The following MAST4 variants were observed in gnomAD, a reference collection of about 807,000 sequenced individuals.
MAST4 encodes the protein microtubule associated serine/threonine kinase family member 4.
MAST4 carries 89 observed loss-of-function variants against 162.7 expected under a neutral mutation model. That is an observed-to-expected ratio of 0.55 (90% CI 0.46 to 0.65). The LOEUF is 0.65. MAST4 is among the 30% of genes least tolerant of loss of function. The pLI, the probability that MAST4 is intolerant of heterozygous loss-of-function variation, is 0.00. For synonymous variants in MAST4, 1,479 were observed against 1,361.1 expected (o/e 1.09, Z -1.91); for missense variants, 3,153 against 3,374.0 (o/e 0.93, Z 1.62).
Position 66,759,835 on chromosome 5 carries a change from C to G in MAST4, c.490C>G (p.Arg164Gly), listed in dbSNP as rs774099764. The G allele has an allele frequency of 6.2e-7, 1 of 1,613,708 alleles. No individual in the cohort carries two copies. Among genetic ancestry groups the G allele is most frequent in the Non-Finnish European group, 8.5e-7 (1 of 1,179,836 alleles). ...QLSEDGRQLR[R>G]GSLGGALTGR... is the part of the protein sequence containing the mutation. Reference sequence around the variant, plus strand: ...GAGTGAGGATGGAAGACAGCTAAGGCGAGGGAGCCTGGGAGGAGCCCTGAC... The same window carrying G: ...GAGTGAGGATGGAAGACAGCTAAGGGGAGGGAGCCTGGGAGGAGCCCTGAC... Residue 164 changes from arginine to glycine, a missense_variant, in exon 2 of 29, where the codon CGA (arginine) becomes GGA (glycine). Arg to Gly is a moderately radical substitution (Grantham distance 125). Coordinates refer to ENST00000403625, the MANE Select transcript of MAST4 (RefSeq NM_001164664.2).
intron 1 of MAST4, among the ~76,000 whole-genome samples, chr5:66,758,338 C>G (rs2149608811): frequency 6.6e-6 from 1 of 151,728 alleles, no homozygotes; most frequent in Admixed American, 6.6e-5. Context: ...TAAACAGGAT[C>G]AAATTTCCTT....
chr5:66,963,736 C>T (rs758416690), intron 4 of MAST4: 2 of 779,790 alleles, frequency 2.6e-6, no homozygotes, highest in African/African-American at 3.4e-5. Context: ...AGTCCAACCC[C>T]ATCCAGCCCA....
chr5:66,711,076 A>G (rs1287665896), intron 1 of MAST4, among the ~76,000 whole-genome samples: 1 of 152,198 alleles, frequency 6.6e-6, no homozygotes, highest in East Asian at 1.9e-4. Flanking sequence ...TGAACTCTAT[A>G]TAAATGTCAT....
chr5:66,782,757 C>T (rs187325580), intron 2 of MAST4, among the ~76,000 whole-genome samples: 1 of 152,324 alleles, frequency 6.6e-6, no homozygotes, highest in East Asian at 1.9e-4. Flanking sequence ...TAGGCAAGCT[C>T]ACCTCTCATA....
At chr5:67,061,513 G>A (rs80322755) in intron 5 of MAST4, among the ~76,000 whole-genome samples, 2 of 148,456 alleles carry the variant, frequency 1.3e-5, no homozygotes, top group Non-Finnish European at 3.0e-5. Flanking sequence ...ATAACAGTGA[G>A]GGTTTTTTTT....
chr5:66,715,537 GGA>G (rs1458258913), intron 1 of MAST4, among the ~76,000 whole-genome samples: 13 of 133,498 alleles, frequency 9.7e-5, no homozygotes, highest in Non-Finnish European at 1.1e-4. Context: ...GGGGGAGGGG[GGA>G]GGTATAGCAT....
intron 10 of MAST4, among the ~76,000 whole-genome samples, chr5:67,108,264 A>C (rs1765814904): frequency 6.6e-6 from 1 of 152,198 alleles, no homozygotes; most frequent in South Asian, 2.1e-4. Context: ...GATTTTCTTT[A>C]TATTCCTGAA....
chr5:66,596,402 C>T lies in MAST4; in HGVS notation c.-254C>T, dbSNP rs977048566. 31 of 386,490 alleles carry T rather than the reference C, an allele frequency of 8.0e-5. No homozygotes were observed. The highest frequency in any genetic ancestry group is 1.1e-4 in the Non-Finnish European group (24 of 220,690). 23.9% of individuals were successfully genotyped at this position (386,490 alleles called of 1,614,324 possible). A position where few individuals can be genotyped will look rare whatever the true frequency, so the allele number is the denominator to read the frequency against. On this transcript the variant is annotated 5_prime_UTR_variant, in exon 1 of 29. Transcript: ENST00000403625. ...GGTGCAGCGCGGGAGCACAGTGGAG[C>T]GCAGATCGCGGACCCGAGCGGGCAT...
At chr5:67,106,570 C>T (rs1184483468) in intron 10 of MAST4, among the ~76,000 whole-genome samples, 1 of 152,142 alleles carries the variant, frequency 6.6e-6, no homozygotes, top group East Asian at 1.9e-4. Flanking sequence ...GGCTCAGACC[C>T]TCATCCAGCT....
intron 1 of MAST4, among the ~76,000 whole-genome samples, chr5:66,707,804 G>A (rs888347614): frequency 6.6e-6 from 1 of 152,142 alleles, no homozygotes; most frequent in Admixed American, 6.6e-5. Context: ...TTAGCTCATA[G>A]ACTGATGGAA....
intron 1 of MAST4, among the ~76,000 whole-genome samples, chr5:66,691,988 TA>T (rs1051659057): frequency 6.6e-6 from 1 of 152,132 alleles, no homozygotes. Context: ...TTTACATATG[TA>T]GGTGTAAAAA....
chr5:66,751,464 T>G (rs1048903446), intron 1 of MAST4, among the ~76,000 whole-genome samples: 15 of 152,222 alleles, frequency 9.9e-5, no homozygotes, highest in Non-Finnish European at 1.8e-4. Context: ...CTGATGGAGC[T>G]GAAAACCAAG....
At chr5:66,613,566 A>C (rs1743440255) in intron 1 of MAST4, among the ~76,000 whole-genome samples, 1 of 152,074 alleles carries the variant, frequency 6.6e-6, no homozygotes, top group Non-Finnish European at 1.5e-5. Flanking sequence ...AGAGCCCCCT[A>C]CATGGGTGAG....
chr5:66,982,603 C>T (rs1018895031), intron 4 of MAST4, among the ~76,000 whole-genome samples: 1 of 152,164 alleles, frequency 6.6e-6, no homozygotes, highest in African/African-American at 2.4e-5. Flanking sequence ...TCATGTTCCC[C>T]TTGAGAATGT....
intron 1 of MAST4, among the ~76,000 whole-genome samples, chr5:66,695,894 C>A (rs976307112): frequency 3.3e-5 from 5 of 152,142 alleles, no homozygotes; most frequent in African/African-American, 1.2e-4. Context: ...TATAAAGATA[C>A]ATGCACACGT....
At chr5:66,604,757 T>C (rs1341889539) in intron 1 of MAST4, among the ~76,000 whole-genome samples, 13 of 152,376 alleles carry the variant, frequency 8.5e-5, no homozygotes, top group South Asian at 8.3e-4. Flanking sequence ...AATCTCAGAC[T>C]TCCTTCTTAA....
intron 3 of MAST4, among the ~76,000 whole-genome samples, chr5:66,848,000 A>G (rs1362758963): frequency 6.6e-6 from 1 of 152,082 alleles, no homozygotes; most frequent in African/African-American, 2.4e-5. Flanking sequence ...GTCCTAAGCA[A>G]AACCTCTTGC....
chr5:67,028,626 A>G (rs1754953420), intron 4 of MAST4, among the ~76,000 whole-genome samples: 1 of 152,146 alleles, frequency 6.6e-6, no homozygotes, highest in Non-Finnish European at 1.5e-5. Flanking sequence ...GAAGAACTAA[A>G]GTGGAGGTTG....
chr5:66,914,337 A>C (rs1265708246), intron 4 of MAST4, among the ~76,000 whole-genome samples: 1 of 152,172 alleles, frequency 6.6e-6, no homozygotes, highest in Non-Finnish European at 1.5e-5. Context: ...GAGAAGAAGG[A>C]CCAGGCTGGG....
Sources: gnomAD v4.1 joint callset for allele counts (sites outside exome capture counted in the v4.1 genomes callset) on GRCh38, gnomAD v4.1.1 for gene constraint, MANE v1.5 for transcripts, NCBI Gene and HGNC (gene_info 2026-07-23, HGNC 2026-07-21) for gene names.